Variants in ACACB observed in about 807,000 individuals in gnomAD.
ACACB encodes the protein acetyl-CoA carboxylase 2.
In ACACB, 209 loss-of-function variants were observed where a neutral mutation model predicts 278.8. The observed-to-expected ratio is 0.75, with a 90% CI of 0.67 to 0.84. The LOEUF is 0.84. ACACB is among the 40% of genes least tolerant of loss of function. ACACB has a pLI of 0.00. For synonymous variants in ACACB, 1,174 were observed against 1,285.6 expected (o/e 0.91, Z 1.86); for missense variants, 2,850 against 3,269.0 (o/e 0.87, Z 3.13).
upstream of ACACB, among the ~76,000 whole-genome samples, chr12:109,115,662 C>T (rs777471966): frequency 3.3e-5 from 5 of 152,196 alleles, no homozygotes; most frequent in Non-Finnish European, 7.3e-5. Context: ...AGAGCACATG[C>T]TTCCAAGTCC....
chr12:109,194,512 ATGTGTGTGTGTG>A (rs370227666), intron 16 of ACACB, among the ~76,000 whole-genome samples: 2 of 88,744 alleles, frequency 2.3e-5, no homozygotes, highest in African/African-American at 4.3e-5. Context: ...CTGTGTGTGC[ATGTGTGTGTGTG>A]TGTGTGTGTG....
At chr12:109,183,850 G>C (rs2044561234) in intron 11 of ACACB, among the ~76,000 whole-genome samples, 1 of 151,512 alleles carries the variant, frequency 6.6e-6, no homozygotes, top group Non-Finnish European at 1.5e-5. Flanking sequence ...ACGTTGCCCA[G>C]GCTGGTCTCC....
In ACACB at chr12:109,179,283, G is replaced by A. The variant is rs762744729; in HGVS notation, c.1633G>A (p.Glu545Lys). 8.7e-6 allele frequency: 14 copies of A among 1,613,294 alleles called. No homozygotes were observed. Among genetic ancestry groups the A allele is most frequent in the East Asian group, 4.5e-5 (2 of 44,888 alleles). ...CACCATCGCCCCGCTGGCCATATTC[G>A]AGTTCATGGAGCAGGTACACTTCTC... ...PATIAPLAIF[E>K]FMEQCAIRLA... is the part of the protein sequence containing the mutation. The change falls in exon 10 of 53, where the codon GAG (glutamate) becomes AAG (lysine). Residue 545 changes from glutamate (E) to lysine (K), a missense_variant. Coordinates refer to ENST00000338432, the MANE Select transcript of ACACB (RefSeq NM_001093.4).
At position 109,179,264 on chromosome 12, in the gene ACACB, C is replaced by T. The variant is rs762391699; in HGVS notation, c.1614C>T (p.Ile538=). The change falls in exon 10 of 53, where the codon ATC becomes ATT. Residue 538 remains isoleucine, a synonymous_variant. Transcript: ENST00000338432. ...QKIVEEAPAT[I]APLAIFEFME... ...TCGTTGAGGAAGCACCGGCCACCAT[C>T]GCCCCGCTGGCCATATTCGAGTTCA... is the stretch of plus-strand genomic sequence containing the variant. The T allele has an allele frequency of 3.7e-6, 6 of 1,613,752 alleles. No individual in the cohort carries two copies. The highest frequency in any genetic ancestry group is 1.7e-5 in the Admixed American group (1 of 60,002).
chr12:109,194,616 GT>G (rs2045046552), intron 16 of ACACB, among the ~76,000 whole-genome samples: 1 of 91,466 alleles, frequency 1.1e-5, no homozygotes, highest in African/African-American at 3.8e-5. Context: ...GCCTCTGTGT[GT>G]GTGTGTGTGT....
At chr12:109,219,190 G>A (rs1184391364) in intron 24 of ACACB, among the ~76,000 whole-genome samples, 2 of 152,156 alleles carry the variant, frequency 1.3e-5, no homozygotes, top group African/African-American at 4.8e-5. Context: ...TAGACAATAG[G>A]TACATGAATG....
chr12:109,216,535 T>A (rs1467689132), intron 22 of ACACB, 83 bp from the exon 23 acceptor site: 5 of 1,428,042 alleles, frequency 3.5e-6, no homozygotes, highest in South Asian at 1.2e-5. Context: ...TTTCTCTTTT[T>A]AAAAATCATA....
Position 109,262,383 on chromosome 12 carries a change from C to T in ACACB, c.6701C>T (p.Thr2234Ile). 6.2e-7 allele frequency: 1 copy of T among 1,613,376 alleles called. No homozygotes were observed. Among genetic ancestry groups the T allele is most frequent in the Non-Finnish European group, 8.5e-7 (1 of 1,179,668 alleles). Residue 2234 changes from threonine to isoleucine, a missense_variant, in exon 49 of 53, where the codon ACA becomes ATA. Physicochemically the swap from Thr to Ile is moderately conservative, Grantham distance 89. This residue lies in a region of ACACB where 579 missense variants were observed against 684.6 expected (regional missense o/e 0.85). Coordinates refer to ENST00000338432, the MANE Select transcript of ACACB (RefSeq NM_001093.4). ...GGTGGTGTTCTGGAACCAGAGGGGA[C>T]AGTGGAGATTAAGTTCCGAAAGAAA... ...SRGGVLEPEGTVEIKFRKKDL... is the reference protein window; with the variant it reads ...SRGGVLEPEGIVEIKFRKKDL...
rs185911059 is a variant in ACACB, at chr12:109,219,354, C to T, written c.3564+2434C>T. Among the ~76,000 whole-genome samples, 6 of 152,300 alleles carry T rather than the reference C, an allele frequency of 3.9e-5. No individual in the cohort carries two copies. The South Asian group carries it at 6.2e-4, about 16-fold the overall frequency. On this transcript the variant is annotated intron_variant, in intron 24 of 52. Transcript: ENST00000338432. ...GGTAAAGAATCATTTAAAAATCTCA[C>T]GCAGCAGCTTTTAATCCTGGCTGTA...
intron 21 of ACACB, among the ~76,000 whole-genome samples, chr12:109,210,322 T>C (rs1175200260): frequency 2.8e-5 from 3 of 108,628 alleles, no homozygotes; most frequent in Non-Finnish European, 4.0e-5. Flanking sequence ...CACATATCTG[T>C]GTATATATGT....
At chr12:109,169,371 A>G (rs1389170544) in intron 4 of ACACB, among the ~76,000 whole-genome samples, 1 of 152,126 alleles carries the variant, frequency 6.6e-6, no homozygotes, top group Non-Finnish European at 1.5e-5. Context: ...ATGTGAATTT[A>G]TCACTTGTCC....
At chr12:109,223,608 A>C (rs1005123873) in intron 26 of ACACB, among the ~76,000 whole-genome samples, 11 of 151,836 alleles carry the variant, frequency 7.2e-5, no homozygotes, top group Admixed American at 7.2e-4. Flanking sequence ...ATAGACACAC[A>C]AAAAAAAGAG....
At chr12:109,222,964 G>A in intron 26 of ACACB, 52 bp downstream of exon 26, 1 of 1,433,216 alleles carries the variant, frequency 7.0e-7, no homozygotes, top group African/African-American at 1.4e-5. Flanking sequence ...CTGTGGCCCA[G>A]GTGGGGGCCT....
Position 109,246,213 on chromosome 12 carries a change from C to T in ACACB, c.5336C>T (p.Thr1779Ile), listed in dbSNP as rs1459847727. 2.5e-6 allele frequency: 4 copies of T among 1,613,712 alleles called. No homozygotes were observed. In the East Asian group the frequency reaches 6.7e-5, roughly 27 times the overall value. ...GMVAFKMRFK[T>I]QEYPEGRDVI... ...GTGGCCTTCAAAATGAGGTTTAAGACCCAGGAGTACCCGGAAGGACGGGAT... is the reference window on the plus strand; with the variant it reads ...GTGGCCTTCAAAATGAGGTTTAAGATCCAGGAGTACCCGGAAGGACGGGAT... The change falls in exon 39 of 53, where the codon ACC (threonine) becomes ATC (isoleucine). Residue 1779 changes from threonine to isoleucine, a missense_variant. Physicochemically the swap from Thr to Ile is moderately conservative, Grantham distance 89 (BLOSUM62 -1). Transcript: ENST00000338432.
At chr12:109,202,344 T>C (rs1457400587) in intron 19 of ACACB, among the ~76,000 whole-genome samples, 1 of 152,140 alleles carries the variant, frequency 6.6e-6, no homozygotes, top group African/African-American at 2.4e-5. Flanking sequence ...AGACAGACTC[T>C]CGCTCTGTCG....
At chr12:109,266,191 A>G (rs2047512780) in intron 52 of ACACB, 45 bp from the exon 53 acceptor site, 1 of 1,591,816 alleles carries the variant, frequency 6.3e-7, no homozygotes, top group South Asian at 1.1e-5. Flanking sequence ...GGCCACTGAA[A>G]AAGTGGCTGG....
chr12:109,251,990 T>G, intron 41 of ACACB, 56 bp from the exon 42 acceptor site: 1 of 1,352,012 alleles, frequency 7.4e-7, no homozygotes, highest in Non-Finnish European at 1.0e-6. Flanking sequence ...TTCCCTGCTG[T>G]GGGGGGTGGG....
intron 2 of ACACB, among the ~76,000 whole-genome samples, chr12:109,147,564 TA>T (rs1256753737): frequency 1.3e-5 from 2 of 152,070 alleles, no homozygotes; most frequent in East Asian, 1.9e-4. Context: ...TTACGTCTTT[TA>T]TTTTTTTATG....
intron 44 of ACACB, among the ~76,000 whole-genome samples, chr12:109,254,816 C>T (rs2047183741): frequency 6.6e-6 from 1 of 151,760 alleles, no homozygotes; most frequent in African/African-American, 2.4e-5. Context: ...GCTCTGTCGC[C>T]CAGGCTGGAG....
Sources: gnomAD v4.1 joint callset for allele counts (sites outside exome capture counted in the v4.1 genomes callset) on GRCh38, gnomAD v4.1.1 for gene constraint, gnomAD v4.1.1 regional missense constraint, MANE v1.5 for transcripts, NCBI Gene and HGNC (gene_info 2026-07-23, HGNC 2026-07-21) for gene names.